Variants in RASGEF1C observed in about 807,000 individuals in gnomAD.
RASGEF1C encodes the protein RasGEF domain family member 1C.
In RASGEF1C, 27 loss-of-function variants were observed where a neutral mutation model predicts 58.1. The ratio of observed to expected loss-of-function variants is 0.46; its 90% CI spans 0.34 to 0.64. RASGEF1C has a LOEUF of 0.64. Among genes scored for constraint, RASGEF1C ranks in the 30% least tolerant of loss-of-function variants. RASGEF1C has a pLI of 0.01. For synonymous variants in RASGEF1C, 243 were observed against 246.3 expected, an observed-to-expected ratio of 0.99 and a Z score of 0.13; for missense variants, 502 against 605.1, an observed-to-expected ratio of 0.83 and a Z score of 1.79.
chr5:180,194,725 G>A (rs962509133), intron 1 of RASGEF1C, among the ~76,000 whole-genome samples: 2 of 152,182 alleles, frequency 1.3e-5, no homozygotes, highest in African/African-American at 4.8e-5. Flanking sequence ...GGAAAGTTAG[G>A]GCATTTTACG....
At chr5:180,103,330 G>A (rs747706381) in intron 12 of RASGEF1C, among the ~76,000 whole-genome samples, 7 of 152,310 alleles carry the variant, frequency 4.6e-5, no homozygotes, top group Admixed American at 6.5e-5. Flanking sequence ...GCCCGCCTCG[G>A]CCTCCCAGAG....
In RASGEF1C at chr5:180,137,683, G is replaced by A. The variant is rs1397831259; in HGVS notation, c.207C>T (p.Ser69=). The change falls in exon 3 of 14, where the codon AGC becomes AGT. Residue 69 remains serine, a synonymous_variant. Transcript: ENST00000361132. The surrounding 1 kb of genome is among the most constrained non-coding windows in gnomAD (Gnocchi z 4.1). The part of the protein sequence containing the change: ...EKAYIFTFLL[S]SRLFIEPREL... ...CCCGGGGCTCGATGAAGAGGCGAGA[G>A]CTCAGCAGGAAGGTGAAGATGTAGG... 1.2e-6 allele frequency: 2 copies of A among 1,612,994 alleles called. No individual in the cohort carries two copies. The highest frequency in any genetic ancestry group is 2.2e-5 in the East Asian group (1 of 44,882).
At chr5:180,164,236 C>T (rs143259973) in intron 1 of RASGEF1C, among the ~76,000 whole-genome samples, 278 of 152,254 alleles carry the variant, frequency 1.8e-3, no homozygotes, top group African/African-American at 6.3e-3. Context: ...TATTTCCACA[C>T]TTATTTTTTA....
At chr5:180,130,461 C>T (rs4700891) in intron 4 of RASGEF1C, among the ~76,000 whole-genome samples, 36,514 of 152,186 alleles carry the variant, frequency 0.24, 5,454 homozygotes, top group East Asian at 0.41. Context: ...GGCCCTTCCA[C>T]GGACCTCCTG....
chr5:180,200,526 G>A (rs1200249400), intron 1 of RASGEF1C, among the ~76,000 whole-genome samples: 1 of 151,716 alleles, frequency 6.6e-6, no homozygotes, highest in Non-Finnish European at 1.5e-5. Flanking sequence ...TGTTAGCCAG[G>A]ATGGTCTCGA....
intron 1 of RASGEF1C, among the ~76,000 whole-genome samples, chr5:180,173,315 T>C (rs1767143000): frequency 6.6e-6 from 1 of 152,146 alleles, no homozygotes; most frequent in South Asian, 2.1e-4. Context: ...ACCACCTCAC[T>C]GTCTCCGTCA....
rs1262175821 is a variant in RASGEF1C at position 180,156,101 on chromosome 5, C to T, written c.-6-18043G>A. Among the ~76,000 whole-genome samples the T allele has an allele frequency of 6.6e-6, 1 of 152,232 alleles. No homozygotes were observed. Among genetic ancestry groups the T allele is most frequent in the Non-Finnish European group, 1.5e-5 (1 of 68,044 alleles). ...ATCTTCCTCAACCGGTCCCACTCCT[C>T]ATCCCCCTAACCTCTAGACAAGACC... is the stretch of plus-strand genomic sequence containing the variant. On this transcript the variant is annotated intron_variant, in intron 1 of 13. Coordinates refer to ENST00000361132, the MANE Select transcript of RASGEF1C (RefSeq NM_175062.4). The surrounding 1 kb of genome is among the most constrained non-coding windows in gnomAD (Gnocchi z 4.9).
Position 180,138,014 on chromosome 5 carries a change from T to A in RASGEF1C, c.39A>T (p.Pro13=), listed in dbSNP as rs1012579238. Residue 13 remains proline, a synonymous_variant, in exon 2 of 14, where the codon CCA becomes CCT. Transcript: ENST00000361132. ...CGGTGGGGGGTGGGCTGAGGCTGCCTGGGGTGACCATGTCGGAGGCACTCA... is the reference window on the plus strand; with the variant it reads ...CGGTGGGGGGTGGGCTGAGGCTGCCAGGGGTGACCATGTCGGAGGCACTCA... ...QTLSASDMVT[P]GSLSPPPTEP... 1 of 1,556,902 alleles carries A rather than the reference T, an allele frequency of 6.4e-7. No homozygotes were observed. The highest frequency in any genetic ancestry group is 8.6e-7 in the Non-Finnish European group (1 of 1,159,674).
rs1838377 is a variant in RASGEF1C at position 180,168,357 on chromosome 5, C to T, written c.-6-30299G>A. The stretch of plus-strand genomic sequence containing the variant: ...CTGAGGCAGGAGAATTGCTTGAACC[C>T]GGGAGGTGGCGGTTGCCATGAGCCG... On this transcript the variant is annotated intron_variant, in intron 1 of 13. Transcript: ENST00000361132. The surrounding 1 kb of genome is among the most constrained non-coding windows in gnomAD (Gnocchi z 6.0). Among the ~76,000 whole-genome samples, 118,149 of 151,976 alleles carry T rather than the reference C, an allele frequency of 0.78. 46,466 individuals are homozygous for T. The highest frequency in any genetic ancestry group is 0.88 in the Middle Eastern group (260 of 294).
At chr5:180,207,519 G>A (rs1314924709) in intron 1 of RASGEF1C, among the ~76,000 whole-genome samples, 1 of 152,150 alleles carries the variant, frequency 6.6e-6, no homozygotes, top group Non-Finnish European at 1.5e-5. Flanking sequence ...GGAGGGTGCA[G>A]ACCCCGGCCT....
intron 1 of RASGEF1C, among the ~76,000 whole-genome samples, chr5:180,195,758 C>G (rs537339700): frequency 6.6e-6 from 1 of 151,378 alleles, no homozygotes; most frequent in Non-Finnish European, 1.5e-5. Context: ...GAGCGAGACT[C>G]CGTCTCAAAA....
intron 1 of RASGEF1C, among the ~76,000 whole-genome samples, chr5:180,172,905 TCCTCTTC>T (rs1736860988): frequency 6.6e-6 from 1 of 152,200 alleles, no homozygotes. Context: ...CCATGCTCTA[TCCTCTTC>T]TGGGTTGCCC....
At chr5:180,204,263 T>C (rs1414399038) in intron 1 of RASGEF1C, among the ~76,000 whole-genome samples, 1 of 152,240 alleles carries the variant, frequency 6.6e-6, no homozygotes, top group Admixed American at 6.5e-5. Context: ...AGTCTTTGTG[T>C]GGACATTTCA....
intron 12 of RASGEF1C, among the ~76,000 whole-genome samples, chr5:180,110,721 A>T (rs557126743): frequency 6.6e-6 from 1 of 152,214 alleles, no homozygotes; most frequent in South Asian, 2.1e-4. Flanking sequence ...CAGAGGCCTC[A>T]CCTCGTGCCT....
At chr5:180,153,510 CA>C (rs1004304102) in intron 1 of RASGEF1C, among the ~76,000 whole-genome samples, 1 of 152,160 alleles carries the variant, frequency 6.6e-6, no homozygotes, top group African/African-American at 2.4e-5. Context: ...CAGATTCTGC[CA>C]GTTCATTTGT....
rs191531734 is a variant in RASGEF1C at position 180,185,267 on chromosome 5, A to G, written c.-7+23761T>C. Among the ~76,000 whole-genome samples, 22 of 142,762 alleles carry G rather than the reference A, an allele frequency of 1.5e-4. No homozygotes were observed. In the East Asian group the frequency reaches 4.0e-3, roughly 26 times the overall value. The allele number at this position is 142,762 out of a possible 152,430, so 93.7% of individuals were successfully genotyped here. ...GATCGCGCCACTGCACTCCAGCCTG[A>G]GTGACAGAGCGAGACTCTGTCTAAA... On this transcript the variant is annotated intron_variant, in intron 1 of 13. Coordinates refer to ENST00000361132, the MANE Select transcript of RASGEF1C (RefSeq NM_175062.4).
chr5:180,108,367 A>G (rs1765902992), intron 12 of RASGEF1C, among the ~76,000 whole-genome samples: 1 of 151,676 alleles, frequency 6.6e-6, no homozygotes, highest in African/African-American at 2.4e-5. Flanking sequence ...ACGCTTGGCT[A>G]ATTTTTTGTA....
intron 1 of RASGEF1C, 132 bp from the exon 2 acceptor site, chr5:180,138,190 T>G: frequency 1.8e-6 from 1 of 545,096 alleles, no homozygotes; most frequent in Non-Finnish European, 3.2e-6. Context: ...CCAGCTTGAG[T>G]CCAGTGGTCA....
In RASGEF1C at chr5:180,101,436, C is replaced by T; in HGVS notation, c.*65G>A. 4 of 1,595,786 alleles carry T rather than the reference C, an allele frequency of 2.5e-6. No homozygotes were observed. Among genetic ancestry groups the T allele is most frequent in the Non-Finnish European group, 3.4e-6 (4 of 1,174,004 alleles). ...TCCCTGGCCTCTGCCCACTGGGCCA[C>T]TGAGGCAGGGCTGTGGACGGCTTCT... On this transcript the variant is annotated 3_prime_UTR_variant, in exon 14 of 14. Transcript: ENST00000361132.
Sources: allele counts gnomAD v4.1 joint callset (sites outside exome capture counted in the v4.1 genomes callset), GRCh38; gene constraint gnomAD v4.1.1; non-coding constraint Gnocchi (gnomAD v3.1); transcripts MANE v1.5; gene names NCBI Gene and HGNC (gene_info 2026-07-23, HGNC 2026-07-21).